DCLK3: variants seen among roughly 807,000 people sequenced by gnomAD.
DCLK3 encodes the protein doublecortin like kinase 3, also known as serine/threonine-protein kinase DCLK3.
DCLK3 carries 30 observed loss-of-function variants against 46.4 expected under a neutral mutation model. The ratio of observed to expected loss-of-function variants is 0.65; its 90% CI spans 0.48 to 0.88. The LOEUF (loss-of-function observed/expected upper bound fraction) is 0.88. DCLK3 is among the 40% of genes least tolerant of loss of function. The pLI is 0.00. For synonymous variants in DCLK3, 401 were observed against 339.2 expected (o/e 1.18, Z -2.00); for missense variants, 846 against 907.1 (o/e 0.93, Z 0.87).
chr3:36,763,326 C>T (rs1035595256), intron 1 of DCLK3, among the ~76,000 whole-genome samples: 12 of 152,192 alleles, frequency 7.9e-5, no homozygotes, highest in Admixed American at 1.3e-4. Context: ...CACACACTTC[C>T]CCCCTCCCAG....
At chr3:36,730,664 G>A (rs1701188521) in intron 2 of DCLK3, among the ~76,000 whole-genome samples, 1 of 152,130 alleles carries the variant, frequency 6.6e-6, no homozygotes, top group Non-Finnish European at 1.5e-5. Context: ...TAGACAGGAG[G>A]AACTGCCCAT....
chr3:36,720,055 T>C (rs974534585), intron 3 of DCLK3, among the ~76,000 whole-genome samples: 2 of 152,224 alleles, frequency 1.3e-5, no homozygotes, highest in Non-Finnish European at 2.9e-5. Context: ...TTCCCAATGT[T>C]GGAGGTGGGG....
chr3:36,722,276 C>T (rs573951154), intron 2 of DCLK3, among the ~76,000 whole-genome samples: 17 of 152,208 alleles, frequency 1.1e-4, no homozygotes, highest in Admixed American at 5.9e-4. Flanking sequence ...TGAATATGAC[C>T]TATTATTTGA....
rs150448219 is a variant in DCLK3, at chr3:36,754,490, C to CA, written c.82+9691dup. On this transcript the variant is annotated intron_variant, in intron 1 of 4. Coordinates refer to ENST00000636136, the MANE Select transcript of DCLK3 (RefSeq NM_001394672.2). The stretch of plus-strand genomic sequence containing the variant: ...CTGAAGAGGTGGCATCCTCTGACAT[C>CA]ATCTTTTCTTATCCAGACCGAAAAC... 2.6e-5 allele frequency among the ~76,000 whole-genome samples: 4 copies of CA among 152,304 alleles called. No homozygotes were observed. The East Asian group carries it at 5.8e-4, about 22-fold the overall frequency.
rs114781849 is a variant in DCLK3 at position 36,751,498 on chromosome 3, G to A, written c.83-12414C>T. Among the ~76,000 whole-genome samples the A allele has an allele frequency of 2.5e-3, 386 of 152,382 alleles. 5 individuals carry two copies. The highest frequency in any genetic ancestry group is 0.016 in the East Asian group (81 of 5,192). ...ACTAAAGCAGAACTGCTTCTCTGCTGAGAAGCCAACCTCCTGGGCAGAAAC... is the reference window on the plus strand; with the variant it reads ...ACTAAAGCAGAACTGCTTCTCTGCTAAGAAGCCAACCTCCTGGGCAGAAAC... On this transcript the variant is annotated intron_variant, in intron 1 of 4. Coordinates refer to ENST00000636136, the MANE Select transcript of DCLK3 (RefSeq NM_001394672.2).
intron 2 of DCLK3, among the ~76,000 whole-genome samples, chr3:36,736,882 C>G (rs1701269517): frequency 6.6e-6 from 1 of 152,192 alleles, no homozygotes; most frequent in African/African-American, 2.4e-5. Flanking sequence ...AAGCTGCCAT[C>G]AGTAGGCATC....
At chr3:36,732,259 G>A (rs145562142) in intron 2 of DCLK3, among the ~76,000 whole-genome samples, 196 of 152,290 alleles carry the variant, frequency 1.3e-3, no homozygotes, top group African/African-American at 4.0e-3. Context: ...TGGATGTTTC[G>A]AAAGTAACTT....
At chr3:36,755,305 T>C (rs559511047) in intron 1 of DCLK3, among the ~76,000 whole-genome samples, 11 of 152,266 alleles carry the variant, frequency 7.2e-5, no homozygotes, top group African/African-American at 2.2e-4. Flanking sequence ...GTAATGAAGA[T>C]AGTAAAATAT....
chr3:36,740,708 G>A (rs1046680055), intron 1 of DCLK3, among the ~76,000 whole-genome samples: 5 of 152,164 alleles, frequency 3.3e-5, no homozygotes, highest in Non-Finnish European at 5.9e-5. Flanking sequence ...AGAACAGAAA[G>A]TATAACTCAG....
chr3:36,752,065 C>T (rs1274605108), intron 1 of DCLK3, among the ~76,000 whole-genome samples: 4 of 152,242 alleles, frequency 2.6e-5, no homozygotes, highest in Non-Finnish European at 5.9e-5. Context: ...TCTCCTCCAG[C>T]TCTTACACGT....
At position 36,737,845 on chromosome 3, in the gene DCLK3, T is replaced by A. The variant is rs199869520; in HGVS notation, c.1322A>T (p.His441Leu). The A allele has an allele frequency of 2.5e-4, 407 of 1,613,886 alleles. 1 individual carries two copies. Among genetic ancestry groups the A allele is most frequent in the Non-Finnish European group, 2.4e-4 (284 of 1,180,042 alleles). Residue 441 changes from histidine to leucine, a missense_variant, in exon 2 of 5, where the codon CAT (histidine) becomes CTT (leucine). Physicochemically the swap from His to Leu is moderately conservative, Grantham distance 99. Transcript: ENST00000636136. This position sits in a 1 kb window ranked among gnomAD's most constrained non-coding sequence, Gnocchi z 4.4. ...KDTRPMSRSK[H>L]GGWLLREHQA... ...GTGCTCTCTCAGGAGCCAGCCACCA[T>A]GTTTGCTCCTGCTCATGGGCCTGGT...
chr3:36,739,407 C>T (rs1701319981), intron 1 of DCLK3, among the ~76,000 whole-genome samples: 2 of 152,280 alleles, frequency 1.3e-5, no homozygotes, highest in South Asian at 4.1e-4. Context: ...AATTGTACTC[C>T]CATAATTCCC....
In DCLK3 at chr3:36,737,484, G is replaced by A. The variant is rs1211306184; in HGVS notation, c.1683C>T (p.Leu561=). The change falls in exon 2 of 5, where the codon CTC becomes CTT. Residue 561 remains leucine (L), a synonymous_variant. Transcript: ENST00000636136. This position sits in a 1 kb window ranked among gnomAD's most constrained non-coding sequence, Gnocchi z 4.4. The part of the protein sequence containing the change: ...YAMKIIDKSR[L]KGKEDMVDSE... ...TGTCCACCATGTCCTCCTTGCCCTT[G>A]AGTCTGGACTTGTCAATGATCTTCA... 6 of 1,614,070 alleles carry A rather than the reference G, an allele frequency of 3.7e-6. No homozygotes were observed. The African/African-American group carries it at 6.7e-5, about 18-fold the overall frequency.
At chr3:36,740,914 C>A (rs916139474) in intron 1 of DCLK3, among the ~76,000 whole-genome samples, 2 of 152,180 alleles carry the variant, frequency 1.3e-5, no homozygotes, top group African/African-American at 4.8e-5. Context: ...CAAATCTACA[C>A]AGAATGTTTT....
At chr3:36,729,235 T>G (rs1701161699) in intron 2 of DCLK3, among the ~76,000 whole-genome samples, 1 of 84,600 alleles carries the variant, frequency 1.2e-5, no homozygotes. Flanking sequence ...TTTTCCCGGG[T>G]TGTGTGTGTG....
chr3:36,731,245 T>C (rs1361507853), intron 2 of DCLK3, among the ~76,000 whole-genome samples: 1 of 152,060 alleles, frequency 6.6e-6, no homozygotes, highest in African/African-American at 2.4e-5. Context: ...CACCTAGTCA[T>C]CCAATCAGAT....
At position 36,764,486 on chromosome 3, in the gene DCLK3, T is replaced by C. The variant is rs1701569143; in HGVS notation, c.-223A>G. 1 of 163,684 alleles carries C rather than the reference T, an allele frequency of 6.1e-6. No homozygotes were observed. Among genetic ancestry groups the C allele is most frequent in the Admixed American group, 6.4e-5 (1 of 15,686 alleles). 10.1% of individuals were successfully genotyped at this position (163,684 alleles called of 1,614,324 possible). ...GGAACGTCTCCGGGGGCGCGGGACTTAGCAACCGCGCACCAGCTGCAGCCG... is the reference window on the plus strand; with the variant it reads ...GGAACGTCTCCGGGGGCGCGGGACTCAGCAACCGCGCACCAGCTGCAGCCG... On this transcript the variant is annotated 5_prime_UTR_variant, in exon 1 of 5. The change abolishes the stop of an existing upstream ORF in the 5' untranslated region. Coordinates refer to ENST00000636136, the MANE Select transcript of DCLK3 (RefSeq NM_001394672.2). The surrounding 1 kb of genome is among the most constrained non-coding windows in gnomAD (Gnocchi z 4.9).
chr3:36,727,973 A>T (rs1273516321), intron 2 of DCLK3, among the ~76,000 whole-genome samples: 1 of 152,190 alleles, frequency 6.6e-6, no homozygotes, highest in East Asian at 1.9e-4. Flanking sequence ...AATCTGTGGG[A>T]CATCTGATAC....
chr3:36,735,155 C>T (rs116833293), intron 2 of DCLK3, among the ~76,000 whole-genome samples: 2 of 152,336 alleles, frequency 1.3e-5, no homozygotes, highest in African/African-American at 2.4e-5. Flanking sequence ...GGGATCTCTC[C>T]TGCTTAGACA....
Sources: gnomAD v4.1 joint callset for allele counts (sites outside exome capture counted in the v4.1 genomes callset) on GRCh38, gnomAD v4.1.1 for gene constraint, Gnocchi (gnomAD v3.1) non-coding constraint, MANE v1.5 for transcripts, NCBI Gene and HGNC (gene_info 2026-07-23, HGNC 2026-07-21) for gene names.